SLC14A2: variants seen among roughly 807,000 people sequenced by gnomAD.
SLC14A2 encodes the protein urea transporter 2.
A neutral mutation model predicts 104.6 loss-of-function variants in SLC14A2; 91 were observed. The ratio of observed to expected loss-of-function variants is 0.87; its 90% CI spans 0.73 to 1.04. The LOEUF is 1.04. Among genes scored for constraint, SLC14A2 ranks in the 50% least tolerant of loss-of-function variants. The pLI, the probability that SLC14A2 is intolerant of heterozygous loss-of-function variation, is 0.00. For missense variants in SLC14A2, 1,189 were observed against 1,156.0 expected (o/e 1.03, Z -0.41); for synonymous variants, 476 against 466.4 (o/e 1.02, Z -0.27).
At chr18:45,291,833 G>C (rs568239840) in intron 1 of SLC14A2, among the ~76,000 whole-genome samples, 134 of 152,134 alleles carry the variant, frequency 8.8e-4, no homozygotes, top group African/African-American at 3.0e-3. Flanking sequence ...GGGCGGTTGG[G>C]GGGGTGGGGA....
At chr18:45,515,934 A>G (rs2043434443) in intron 2 of SLC14A2, among the ~76,000 whole-genome samples, 1 of 152,240 alleles carries the variant, frequency 6.6e-6, no homozygotes, top group African/African-American at 2.4e-5. Context: ...TACCCAAGCC[A>G]TTGTGGTAAC....
intron 1 of SLC14A2, among the ~76,000 whole-genome samples, chr18:45,414,038 T>C (rs2086242948): frequency 1.3e-5 from 2 of 152,198 alleles, no homozygotes; most frequent in Admixed American, 1.3e-4. Context: ...TTAAAGAAAG[T>C]CCACATCAGT....
chr18:45,672,305 G>A (rs537124600), intron 16 of SLC14A2, among the ~76,000 whole-genome samples: 199 of 152,200 alleles, frequency 1.3e-3, no homozygotes, highest in African/African-American at 3.2e-3. Context: ...CAAGGCAGGC[G>A]GATCACCTGA....
the SLC14A2 span, among the ~76,000 whole-genome samples, chr18:45,191,353 T>C: frequency 6.6e-6 from 1 of 152,202 alleles, no homozygotes; most frequent in Non-Finnish European, 1.5e-5. Context: ...GTCCCAGATA[T>C]GTCTGAATCA....
chr18:45,554,027 G>A (rs1046470451), intron 2 of SLC14A2, among the ~76,000 whole-genome samples: 1 of 152,192 alleles, frequency 6.6e-6, no homozygotes, highest in East Asian at 1.9e-4. Flanking sequence ...AAAGCCAAAG[G>A]CTGTATGCTA....
At chr18:45,267,430 T>C (rs79769215) in intron 1 of SLC14A2, among the ~76,000 whole-genome samples, 2,345 of 152,290 alleles carry the variant, frequency 0.015, 86 homozygotes, top group East Asian at 0.093. Flanking sequence ...TCTATTCCAC[T>C]GTGCTGTCAA....
intron 1 of SLC14A2, among the ~76,000 whole-genome samples, chr18:45,398,350 T>C (rs763311184): frequency 6.6e-6 from 1 of 152,190 alleles, no homozygotes; most frequent in African/African-American, 2.4e-5. Flanking sequence ...GGAAACAAGA[T>C]GGCAGCACTA....
At chr18:45,449,496 G>A (rs1320540337) in intron 1 of SLC14A2, among the ~76,000 whole-genome samples, 1 of 152,120 alleles carries the variant, frequency 6.6e-6, no homozygotes, top group African/African-American at 2.4e-5. Flanking sequence ...AAAGACGATG[G>A]AGTCTCCTTT....
intron 1 of SLC14A2, among the ~76,000 whole-genome samples, chr18:45,281,074 T>C (rs1046466781): frequency 6.6e-6 from 1 of 152,158 alleles, no homozygotes; most frequent in South Asian, 2.1e-4. Context: ...TCATTCCGTG[T>C]CTGTCAAAAT....
intron 1 of SLC14A2, among the ~76,000 whole-genome samples, chr18:45,464,744 G>T (rs933273561): frequency 1.3e-5 from 2 of 152,158 alleles, no homozygotes; most frequent in Admixed American, 6.5e-5. Context: ...TTTGCAGGTT[G>T]TCGCATCCTG....
At chr18:45,455,188 A>G (rs754800101) in intron 1 of SLC14A2, among the ~76,000 whole-genome samples, 3 of 152,336 alleles carry the variant, frequency 2.0e-5, no homozygotes, top group South Asian at 2.1e-4. Context: ...ATAAAGACAC[A>G]TGTACACACA....
At chr18:45,188,003 T>C in the SLC14A2 span, among the ~76,000 whole-genome samples, 1 of 152,180 alleles carries the variant, frequency 6.6e-6, no homozygotes, top group Non-Finnish European at 1.5e-5. Context: ...GGAAGTGTCC[T>C]GTCAGTGCTA....
At chr18:45,370,557 C>T (rs1194749581) in intron 1 of SLC14A2, among the ~76,000 whole-genome samples, 5 of 152,176 alleles carry the variant, frequency 3.3e-5, no homozygotes, top group African/African-American at 1.2e-4. Context: ...TCCTGTCAGG[C>T]ACAGGGTTCC....
intron 1 of SLC14A2, among the ~76,000 whole-genome samples, chr18:45,414,242 G>C (rs2086244752): frequency 6.6e-6 from 1 of 152,216 alleles, no homozygotes; most frequent in Admixed American, 6.5e-5. Context: ...GTCAAGCCTG[G>C]CACTCAACAT....
chr18:45,310,028 G>A (rs981644611), intron 1 of SLC14A2, among the ~76,000 whole-genome samples: 11 of 151,430 alleles, frequency 7.3e-5, no homozygotes, highest in African/African-American at 2.7e-4. Flanking sequence ...CATCCATATC[G>A]ATGCGTAGGA....
rs370793005 is a variant in SLC14A2 at position 45,464,552 on chromosome 18, A to G, written c.-124-18681A>G. On this transcript the variant is annotated intron_variant, in intron 1 of 20. Coordinates refer to the SLC14A2 transcript ENST00000586448. ...AAGAAGCAAAGAAATAAAGCCCGGC[A>G]TGAGTGGCAGATGTTCAGGTGGAGA... Among the ~76,000 whole-genome samples the G allele has an allele frequency of 1.2e-4, 19 of 152,356 alleles. No homozygotes were observed. In the East Asian group the frequency reaches 2.5e-3, roughly 20 times the overall value.
At chr18:45,571,787 C>A (rs1002186439) in intron 2 of SLC14A2, among the ~76,000 whole-genome samples, 1 of 152,168 alleles carries the variant, frequency 6.6e-6, no homozygotes, top group East Asian at 1.9e-4. Context: ...ACTTGAAGAG[C>A]CACCAAAAAT....
At chr18:45,601,048 G>T (rs1249332878) in intron 2 of SLC14A2, among the ~76,000 whole-genome samples, 5 of 152,136 alleles carry the variant, frequency 3.3e-5, no homozygotes, top group African/African-American at 1.2e-4. Context: ...TCAGTCATCT[G>T]CCTCCAGAGC....
chr18:45,618,498 G>A (rs958849024), intron 1 of SLC14A2, among the ~76,000 whole-genome samples: 4 of 151,510 alleles, frequency 2.6e-5, no homozygotes, highest in African/African-American at 7.3e-5. Flanking sequence ...GTGAAACCCC[G>A]TATCTACAAA....
Sources: allele counts gnomAD v4.1 joint callset (sites outside exome capture counted in the v4.1 genomes callset), GRCh38; gene constraint gnomAD v4.1.1; transcripts MANE v1.5; gene names NCBI Gene and HGNC (gene_info 2026-07-23, HGNC 2026-07-21).